Variants in LRFN2 observed in about 807,000 individuals in gnomAD.
The protein encoded by LRFN2 is leucine-rich repeat and fibronectin type-III domain-containing protein 2.
In LRFN2, 18 loss-of-function variants were observed where a neutral mutation model predicts 37.3. The observed-to-expected ratio is 0.48, with a 90% confidence interval of 0.33 to 0.72. The LOEUF is 0.72. LRFN2 is among the 30% of genes least tolerant of loss of function. The probability of loss-of-function intolerance (pLI) is 0.02; values close to 1 mark genes in which losing one functional copy is unlikely to be tolerated. For synonymous variants in LRFN2, 556 were observed against 466.6 expected (o/e 1.19, Z -2.47); for missense variants, 1,006 against 1,060.7 (o/e 0.95, Z 0.72).
intron 1 of LRFN2, among the ~76,000 whole-genome samples, chr6:40,523,232 A>T (rs964005237): frequency 2.6e-5 from 4 of 152,308 alleles, no homozygotes; most frequent in South Asian, 4.1e-4. Flanking sequence ...TGCTCAATGC[A>T]TGGTGAATTT....
intron 1 of LRFN2, among the ~76,000 whole-genome samples, chr6:40,436,653 A>AC (rs1427584546): frequency 6.6e-6 from 1 of 152,140 alleles, no homozygotes; most frequent in Non-Finnish European, 1.5e-5. Flanking sequence ...GCTTCACCTT[A>AC]CCCAGGCCCC....
At chr6:40,418,098 T>C (rs149085483) in intron 2 of LRFN2, among the ~76,000 whole-genome samples, 1 of 152,330 alleles carries the variant, frequency 6.6e-6, no homozygotes, top group East Asian at 1.9e-4. Context: ...CAAGGGCCTA[T>C]GTAATCTAGC....
chr6:40,508,451 G>A (rs1302960096), intron 1 of LRFN2, among the ~76,000 whole-genome samples: 1 of 152,118 alleles, frequency 6.6e-6, no homozygotes, highest in South Asian at 2.1e-4. Context: ...GGGTGGTGGG[G>A]GGGATCCACC....
At chr6:40,520,440 A>G (rs980423857) in intron 1 of LRFN2, among the ~76,000 whole-genome samples, 1 of 152,058 alleles carries the variant, frequency 6.6e-6, no homozygotes, top group Non-Finnish European at 1.5e-5. Flanking sequence ...TGGAGCAGGG[A>G]AAGAAGAGAT....
chr6:40,520,592 G>A (rs1049877803), intron 1 of LRFN2, among the ~76,000 whole-genome samples: 5 of 152,120 alleles, frequency 3.3e-5, no homozygotes, highest in African/African-American at 9.7e-5. Context: ...ATCCTCATCG[G>A]GAAGGTCCCC....
intron 1 of LRFN2, among the ~76,000 whole-genome samples, chr6:40,457,215 A>C (rs1420294171): frequency 2.0e-5 from 3 of 152,144 alleles, no homozygotes; most frequent in African/African-American, 7.2e-5. Context: ...AGAGATGTGT[A>C]TATTTTAAGA....
At chr6:40,498,694 A>G (rs1765296988) in intron 1 of LRFN2, among the ~76,000 whole-genome samples, 1 of 152,072 alleles carries the variant, frequency 6.6e-6, no homozygotes, top group South Asian at 2.1e-4. Flanking sequence ...GTACACAATC[A>G]CTATTTAGGT....
chr6:40,482,494 C>T (rs929557740), intron 1 of LRFN2, among the ~76,000 whole-genome samples: 11 of 152,324 alleles, frequency 7.2e-5, no homozygotes, highest in African/African-American at 2.6e-4. Flanking sequence ...CCAGCCATCT[C>T]CAGCACTCCC....
At chr6:40,525,044 A>G (rs1766210020) in intron 1 of LRFN2, among the ~76,000 whole-genome samples, 1 of 152,234 alleles carries the variant, frequency 6.6e-6, no homozygotes, top group Non-Finnish European at 1.5e-5. Flanking sequence ...TCAGCTCATC[A>G]TCTATAAAAT....
At chr6:40,444,602 G>A (rs568314724) in intron 1 of LRFN2, among the ~76,000 whole-genome samples, 1 of 152,152 alleles carries the variant, frequency 6.6e-6, no homozygotes, top group African/African-American at 2.4e-5. Flanking sequence ...AGCATGCATA[G>A]GAGTTCTATA....
chr6:40,511,265 C>T (rs573715382), intron 1 of LRFN2, among the ~76,000 whole-genome samples: 1 of 152,284 alleles, frequency 6.6e-6, no homozygotes, highest in South Asian at 2.1e-4. Flanking sequence ...ATCCACACAA[C>T]TCTTGAAGTA....
rs1443818901 is a variant in LRFN2, at chr6:40,392,449, A to G, written c.1864T>C (p.Ser622Pro). Residue 622 changes from serine to proline, a missense_variant, in exon 3 of 3, where the codon TCT (serine) becomes CCT (proline). This residue lies in a region of LRFN2 where 398 missense variants were observed against 327.6 expected (regional missense o/e 1.21). Transcript: ENST00000338305. This position sits in a 1 kb window ranked among gnomAD's most constrained non-coding sequence, Gnocchi z 4.7. ...CCACTGCCCAGGGAGCTGGAGGAAG[A>G]GGAGTCACTGGCGCGGGCCAGGCTG... ...TASLARASDSSSSSSLGSGEA... is the reference protein window; with the variant it reads ...TASLARASDSPSSSSLGSGEA... 6.4e-7 allele frequency: 1 copy of G among 1,567,672 alleles called. No homozygotes were observed. Among genetic ancestry groups the G allele is most frequent in the African/African-American group, 1.4e-5 (1 of 73,686 alleles).
At chr6:40,427,356 C>T (rs893691269) in intron 2 of LRFN2, among the ~76,000 whole-genome samples, 1 of 152,220 alleles carries the variant, frequency 6.6e-6, no homozygotes, top group Non-Finnish European at 1.5e-5. Context: ...CATGAGAGTT[C>T]GCCAAATGTC....
At chr6:40,578,491 G>A (rs1417517) in intron 1 of LRFN2, among the ~76,000 whole-genome samples, 75,612 of 151,526 alleles carry the variant, frequency 0.5, 19,441 homozygotes, top group African/African-American at 0.61. Context: ...TAATCATAAT[G>A]TCTATGCTGA....
chr6:40,467,035 C>T (rs113124217), intron 1 of LRFN2, among the ~76,000 whole-genome samples: 5 of 152,138 alleles, frequency 3.3e-5, no homozygotes, highest in Non-Finnish European at 5.9e-5. Flanking sequence ...CCAACCCTGC[C>T]GACCCCTGGA....
At position 40,423,281 on chromosome 6, in the gene LRFN2, A is replaced by G. The variant is rs557811467; in HGVS notation, c.1400+8433T>C. ...TTAAAACCTCATCAGATCACTTTCC[A>G]AGTTTACAGCTCTGTTGGTTTTGAA... On this transcript the variant is annotated intron_variant, in intron 2 of 2. Coordinates refer to ENST00000338305, the MANE Select transcript of LRFN2 (RefSeq NM_020737.3). 6.6e-5 allele frequency among the ~76,000 whole-genome samples: 10 copies of G among 152,322 alleles called. No homozygotes were observed. In the South Asian group the frequency reaches 2.1e-3, roughly 32 times the overall value.
At chr6:40,400,790 T>C (rs553858398) in intron 2 of LRFN2, among the ~76,000 whole-genome samples, 2 of 151,910 alleles carry the variant, frequency 1.3e-5, no homozygotes, top group South Asian at 4.2e-4. Context: ...TGGATGTGCA[T>C]ATACATATGT....
At position 40,392,300 on chromosome 6, in the gene LRFN2, C is replaced by T. The variant is rs1762523355; in HGVS notation, c.2013G>A (p.Glu671=). 1 of 1,610,010 alleles carries T rather than the reference C, an allele frequency of 6.2e-7. No individual in the cohort carries two copies. ...CTGGAGTCCTGGAGTCCAGCAGCTC[C>T]TCCTTTCTCTGACTCTTGAGGTCCA... ...ASLDLKSQRK[E]ELLDSRTPAG... Residue 671 remains glutamate (E), a synonymous_variant, in exon 3 of 3, where the codon GAG becomes GAA. Coordinates refer to ENST00000338305, the MANE Select transcript of LRFN2 (RefSeq NM_020737.3). The surrounding 1 kb of genome is among the most constrained non-coding windows in gnomAD (Gnocchi z 4.7).
chr6:40,537,104 A>T (rs972339574), intron 1 of LRFN2, among the ~76,000 whole-genome samples: 15 of 152,206 alleles, frequency 9.9e-5, no homozygotes, highest in African/African-American at 3.6e-4. Context: ...GATCTGGTGC[A>T]GTGGTTATCC....
Sources: allele counts gnomAD v4.1 joint callset (sites outside exome capture counted in the v4.1 genomes callset), GRCh38; gene constraint gnomAD v4.1.1; regional missense constraint gnomAD v4.1.1; non-coding constraint Gnocchi (gnomAD v3.1); transcripts MANE v1.5; gene names NCBI Gene and HGNC (gene_info 2026-07-23, HGNC 2026-07-21).